The following AGAP1 variants were observed in gnomAD, a reference collection of about 807,000 sequenced individuals.
AGAP1 encodes ArfGAP with GTPase domain, ankyrin repeat and PH domain 1.
A neutral mutation model predicts 105.3 loss-of-function variants in AGAP1; 29 were observed. That is an observed-to-expected ratio of 0.28 (90% confidence interval 0.21 to 0.38). AGAP1 has a LOEUF of 0.38. AGAP1 is among the 10% of genes least tolerant of loss of function. The probability of loss-of-function intolerance (pLI) is 1.00; values close to 1 mark genes in which losing one functional copy is unlikely to be tolerated. For synonymous variants in AGAP1, 509 were observed against 485.9 expected (o/e 1.05, Z -0.63); for missense variants, 998 against 1,165.1 (o/e 0.86, Z 2.09).
intron 1 of AGAP1, among the ~76,000 whole-genome samples, chr2:235,668,595 A>T (rs2149350964): frequency 6.6e-6 from 1 of 152,354 alleles, no homozygotes; most frequent in African/African-American, 2.4e-5. Flanking sequence ...GGAAACTCTG[A>T]AACAATACAT....
At chr2:235,567,067 C>T (rs184718332) in intron 1 of AGAP1, among the ~76,000 whole-genome samples, 21 of 152,304 alleles carry the variant, frequency 1.4e-4, no homozygotes, top group Non-Finnish European at 8.8e-5. Flanking sequence ...ACACTATTCA[C>T]CCCAGTACAA....
At position 236,000,224 on chromosome 2, in the gene AGAP1, A is replaced by G. The variant is rs1252870058; in HGVS notation, c.1645+31601A>G. Among the ~76,000 whole-genome samples the G allele has an allele frequency of 1.3e-5, 2 of 152,172 alleles. No individual in the cohort carries two copies. The highest frequency in any genetic ancestry group is 2.9e-5 in the Non-Finnish European group (2 of 68,032). ...AACTCCTCACTCAATGTCATTCATC[A>G]ATAGGTTCTTAAAACTTCGACTTGA... On this transcript the variant is annotated intron_variant, in intron 13 of 17. Coordinates refer to ENST00000304032, the MANE Select transcript of AGAP1 (RefSeq NM_001037131.3). The surrounding 1 kb of genome is among the most constrained non-coding windows in gnomAD (Gnocchi z 4.3).
At position 235,769,196 on chromosome 2, in the gene AGAP1, C is replaced by T. The variant is rs1955220263; in HGVS notation, c.673+18708C>T. On this transcript the variant is annotated intron_variant, in intron 6 of 17. Coordinates refer to ENST00000304032, the MANE Select transcript of AGAP1 (RefSeq NM_001037131.3). This position sits in a 1 kb window ranked among gnomAD's most constrained non-coding sequence, Gnocchi z 4.4. ...CAGTCCTGTTGCTGCTACCTTGGGG[C>T]CCAGGCGTGTCTTTTGTCCCCCAGT... 6.6e-6 allele frequency among the ~76,000 whole-genome samples: 1 copy of T among 152,148 alleles called. No individual in the cohort carries two copies. Among genetic ancestry groups the T allele is most frequent in the East Asian group, 1.9e-4 (1 of 5,162 alleles).
chr2:236,041,067 T>C (rs373147150), intron 15 of AGAP1, among the ~76,000 whole-genome samples: 22 of 152,200 alleles, frequency 1.4e-4, no homozygotes, highest in Admixed American at 1.4e-3. Context: ...TTTCCTTGCC[T>C]TAGGCATCCG....
rs542255776 is a variant in AGAP1 at position 236,084,691 on chromosome 2, T to A, written c.2114+35410T>A. 1.1e-4 allele frequency among the ~76,000 whole-genome samples: 16 copies of A among 150,374 alleles called. No individual in the cohort carries two copies. In the South Asian group the frequency reaches 3.4e-3, roughly 32 times the overall value. ...GCTGAAGCAGGCAGATCATTTGAGG[T>A]CAGGAGTTCAAAACCAGCCTGGCCA... On this transcript the variant is annotated intron_variant, in intron 16 of 17. Transcript: ENST00000304032.
intron 16 of AGAP1, among the ~76,000 whole-genome samples, chr2:236,063,158 A>G (rs2058251394): frequency 6.6e-6 from 1 of 151,908 alleles, no homozygotes; most frequent in Non-Finnish European, 1.5e-5. Flanking sequence ...CAGTGGCACA[A>G]TCTCAGCTCA....
chr2:235,956,901 T>TC (rs2125292541), intron 12 of AGAP1, among the ~76,000 whole-genome samples: 1 of 152,334 alleles, frequency 6.6e-6, no homozygotes, highest in Admixed American at 6.5e-5. Flanking sequence ...TCTGACCCTC[T>TC]CCCCCGTCTC....
chr2:235,611,507 C>G lies in AGAP1; in HGVS notation c.164-97672C>G, dbSNP rs1486383804. ...AACATGGGGTGGGTGGTTCTGATTC[C>G]TGTTTTGAGGTGGTGATTTATGATG... On this transcript the variant is annotated intron_variant, in intron 1 of 17. Coordinates refer to ENST00000304032, the MANE Select transcript of AGAP1 (RefSeq NM_001037131.3). This position sits in a 1 kb window ranked among gnomAD's most constrained non-coding sequence, Gnocchi z 5.0. Among the ~76,000 whole-genome samples, 1 of 152,088 alleles carries G rather than the reference C, an allele frequency of 6.6e-6. No homozygotes were observed. Among genetic ancestry groups the G allele is most frequent in the African/African-American group, 2.4e-5 (1 of 41,396 alleles).
Position 236,124,108 on chromosome 2 carries a change from C to A in AGAP1, c.2560C>A (p.Pro854Thr), listed in dbSNP as rs368301945. Reference protein sequence around the residue: ...NNRNNSSGRVPTII With the variant: ...NNRNNSSGRVTTII ...CCGGAACAACAGCAGTGGGAGGGTGCCCACCATCATCTGAGGAACAGCCGT... is the reference window on the plus strand; with the variant it reads ...CCGGAACAACAGCAGTGGGAGGGTGACCACCATCATCTGAGGAACAGCCGT... Residue 854 changes from proline to threonine, a missense_variant, in exon 18 of 18, where the codon CCC becomes ACC. By Grantham distance (38) the Pro-to-Thr change is conservative. This residue lies in a region of AGAP1 where 235 missense variants were observed against 270.7 expected (regional missense o/e 0.87). Transcript: ENST00000304032. The surrounding 1 kb of genome is among the most constrained non-coding windows in gnomAD (Gnocchi z 5.1). 2.0e-4 allele frequency: 330 copies of A among 1,613,850 alleles called. No homozygotes were observed. Among genetic ancestry groups the A allele is most frequent in the Non-Finnish European group, 2.5e-4 (300 of 1,179,948 alleles).
rs959605979 is a variant in AGAP1, at chr2:235,865,253, G to T, written c.1051-18092G>T. 6.6e-6 allele frequency among the ~76,000 whole-genome samples: 1 copy of T among 152,128 alleles called. No individual in the cohort carries two copies. The highest frequency in any genetic ancestry group is 2.1e-4 in the South Asian group (1 of 4,828). ...TTAGCTCCTGGCCGAATCCAGTCCC[G>T]GCCGGCGCTTTGAAGCCTGTGCTGT... On this transcript the variant is annotated intron_variant, in intron 9 of 17. Transcript: ENST00000304032. The surrounding 1 kb of genome is among the most constrained non-coding windows in gnomAD (Gnocchi z 6.2).
At position 235,623,354 on chromosome 2, in the gene AGAP1, C is replaced by T. The variant is rs773287863; in HGVS notation, c.164-85825C>T. ...TTGCTTTGCCTCGTTGTGTAAATAT[C>T]GGCAAACCATGTTTTGGGGATGGAA... On this transcript the variant is annotated intron_variant, in intron 1 of 17. Transcript: ENST00000304032. The surrounding 1 kb of genome is among the most constrained non-coding windows in gnomAD (Gnocchi z 4.5). Among the ~76,000 whole-genome samples, 1 of 152,060 alleles carries T rather than the reference C, an allele frequency of 6.6e-6. No individual in the cohort carries two copies. Among genetic ancestry groups the T allele is most frequent in the Admixed American group, 6.5e-5 (1 of 15,280 alleles).
intron 1 of AGAP1, among the ~76,000 whole-genome samples, chr2:235,561,458 A>G (rs1944148912): frequency 6.6e-6 from 1 of 152,074 alleles, no homozygotes; most frequent in Admixed American, 6.5e-5. Flanking sequence ...TGTAATTATT[A>G]ACAGTTACAC....
chr2:235,950,922 C>A lies in AGAP1; in HGVS notation c.1484-17540C>A, dbSNP rs1559685933. 2.8e-5 allele frequency among the ~76,000 whole-genome samples: 3 copies of A among 105,958 alleles called. No homozygotes were observed. In the South Asian group the frequency reaches 7.7e-4, roughly 27 times the overall value. The allele number at this position is 105,958 out of a possible 152,430, so 69.5% of individuals were successfully genotyped here. ...TTTTTTTTTTTTTTTTTTTTTTTGG[C>A]TGGACAGCCCAAATTCCAAGACACT... On this transcript the variant is annotated intron_variant, in intron 12 of 17. Transcript: ENST00000304032.
In AGAP1 at chr2:235,655,071, CT is replaced by C. The variant is rs201145604; in HGVS notation, c.164-54094del. Among the ~76,000 whole-genome samples, 16,788 of 143,508 alleles carry C rather than the reference CT, an allele frequency of 0.12. 1,242 individuals are homozygous for C. Among genetic ancestry groups the C allele is most frequent in the East Asian group, 0.31 (1,537 of 4,942 alleles). 94.1% of individuals were successfully genotyped at this position (143,508 alleles called of 152,430 possible). A position where few individuals can be genotyped will look rare whatever the true frequency, so the allele number is the denominator to read the frequency against. On this transcript the variant is annotated intron_variant, in intron 1 of 17. Transcript: ENST00000304032. The surrounding 1 kb of genome is among the most constrained non-coding windows in gnomAD (Gnocchi z 4.3). ...TAATTACTATATCCAGAATGATCCT[CT>C]TTTTTTTTTTTTTGAGTTGTGTGTT...
rs1462717261 is a variant in AGAP1 at position 235,792,937 on chromosome 2, G to T, written c.674-4822G>T. Among the ~76,000 whole-genome samples, 1 of 152,076 alleles carries T rather than the reference G, an allele frequency of 6.6e-6. No homozygotes were observed. The highest frequency in any genetic ancestry group is 1.9e-4 in the East Asian group (1 of 5,160). On this transcript the variant is annotated intron_variant, in intron 6 of 17. Coordinates refer to ENST00000304032, the MANE Select transcript of AGAP1 (RefSeq NM_001037131.3). The surrounding 1 kb of genome is among the most constrained non-coding windows in gnomAD (Gnocchi z 5.3). ...TCGCGAGGAGGTTGCCCAGGCAGAG[G>T]GCATGGGAAAAAGGACACCAGGAGG...
At position 236,014,230 on chromosome 2, in the gene AGAP1, G is replaced by A. The variant is rs768400845; in HGVS notation, c.1646-22331G>A. ...CAAAGAGAATAGACTCCTCCCTCCA[G>A]GACAGCAGAATGGCACTAGGGGGTT... On this transcript the variant is annotated intron_variant, in intron 13 of 17. Transcript: ENST00000304032. The surrounding 1 kb of genome is among the most constrained non-coding windows in gnomAD (Gnocchi z 6.3). Among the ~76,000 whole-genome samples, 1 of 152,166 alleles carries A rather than the reference G, an allele frequency of 6.6e-6. No homozygotes were observed. Among genetic ancestry groups the A allele is most frequent in the Non-Finnish European group, 1.5e-5 (1 of 68,026 alleles).
At position 235,787,246 on chromosome 2, in the gene AGAP1, A is replaced by T. The variant is rs911315108; in HGVS notation, c.674-10513A>T. Among the ~76,000 whole-genome samples, 1 of 152,328 alleles carries T rather than the reference A, an allele frequency of 6.6e-6. No individual in the cohort carries two copies. Among genetic ancestry groups the T allele is most frequent in the South Asian group, 2.1e-4 (1 of 4,826 alleles). On this transcript the variant is annotated intron_variant, in intron 6 of 17. Coordinates refer to ENST00000304032, the MANE Select transcript of AGAP1 (RefSeq NM_001037131.3). This position sits in a 1 kb window ranked among gnomAD's most constrained non-coding sequence, Gnocchi z 4.4. ...AACCATGTGGGTTTCCTATGTCATG[A>T]AAGCTTTTCTTCATCACGTGCTAAT... is the stretch of plus-strand genomic sequence containing the variant.
rs1016258873 is a variant in AGAP1, at chr2:235,716,086, C to T, written c.223-1471C>T. 1.3e-5 allele frequency among the ~76,000 whole-genome samples: 2 copies of T among 152,170 alleles called. No individual in the cohort carries two copies. The highest frequency in any genetic ancestry group is 1.5e-5 in the Non-Finnish European group (1 of 68,044). On this transcript the variant is annotated intron_variant, in intron 2 of 17. Transcript: ENST00000304032. This position sits in a 1 kb window ranked among gnomAD's most constrained non-coding sequence, Gnocchi z 4.0. ...AGCTTTTTTTTCCCCCCACATCCAA[C>T]CTTCTATCAATGAGTTATGATTCCA...
chr2:235,806,522 C>CG (rs1217066359), intron 8 of AGAP1, among the ~76,000 whole-genome samples: 51 of 152,264 alleles, frequency 3.3e-4, no homozygotes, highest in African/African-American at 1.2e-3. Context: ...CCTTCCTGCC[C>CG]GGTGGCAGCC....
Sources: allele counts gnomAD v4.1 joint callset (sites outside exome capture counted in the v4.1 genomes callset), GRCh38; gene constraint gnomAD v4.1.1; regional missense constraint gnomAD v4.1.1; non-coding constraint Gnocchi (gnomAD v3.1); transcripts MANE v1.5; gene names NCBI Gene and HGNC (gene_info 2026-07-23, HGNC 2026-07-21).